TMEM135: variants seen among roughly 807,000 people sequenced by gnomAD.
TMEM135 encodes the protein transmembrane protein 135, also known as peroxisomal membrane protein 52.
Under a neutral mutation model 60.3 loss-of-function variants are expected in TMEM135, and 30 were observed. The ratio of observed to expected loss-of-function variants is 0.50; its 90% CI spans 0.37 to 0.68. TMEM135 has a LOEUF of 0.68. Ranked by LOEUF, TMEM135 falls within the 30% of genes least tolerant of loss-of-function variation. The pLI is 0.00. For missense variants in TMEM135, 468 were observed against 548.8 expected, an observed-to-expected ratio of 0.85 and a Z score of 1.47; for synonymous variants, 190 against 186.7, an observed-to-expected ratio of 1.02 and a Z score of -0.14.
intron 5 of TMEM135, among the ~76,000 whole-genome samples, chr11:87,235,819 C>G (rs998234036): frequency 2.6e-5 from 4 of 152,014 alleles, no homozygotes; most frequent in Middle Eastern, 3.4e-3. Flanking sequence ...AACATACCAT[C>G]TTAATATGTT....
chr11:87,289,884 T>C (rs1942235956), intron 6 of TMEM135, among the ~76,000 whole-genome samples: 1 of 152,204 alleles, frequency 6.6e-6, no homozygotes, highest in Non-Finnish European at 1.5e-5. Context: ...CATGCAGCGT[T>C]TAACTTTTCT....
chr11:87,131,337 T>C (rs1251858098), intron 4 of TMEM135, among the ~76,000 whole-genome samples: 2 of 151,994 alleles, frequency 1.3e-5, no homozygotes, highest in Non-Finnish European at 2.9e-5. Context: ...TTCACTGCCC[T>C]GAAAATCCCT....
intron 3 of TMEM135, among the ~76,000 whole-genome samples, chr11:87,086,525 G>A (rs988276590): frequency 2.0e-5 from 3 of 152,144 alleles, no homozygotes; most frequent in Admixed American, 6.5e-5. Flanking sequence ...GAGAGGAGAC[G>A]TGGGGGTGGT....
intron 5 of TMEM135, among the ~76,000 whole-genome samples, chr11:87,199,161 A>T (rs1026121224): frequency 2.6e-5 from 4 of 152,148 alleles, no homozygotes; most frequent in Admixed American, 6.5e-5. Context: ...GGAGTTCCAG[A>T]CCAGCCTGGC....
chr11:87,227,912 A>G (rs1940799600), intron 5 of TMEM135, among the ~76,000 whole-genome samples: 1 of 152,194 alleles, frequency 6.6e-6, no homozygotes, highest in Admixed American at 6.5e-5. Context: ...TTTAAATAGA[A>G]ACTAACATTA....
At chr11:87,114,553 A>G (rs1462903072) in intron 4 of TMEM135, among the ~76,000 whole-genome samples, 4 of 152,230 alleles carry the variant, frequency 2.6e-5, no homozygotes, top group African/African-American at 9.6e-5. Context: ...ACATACTTGT[A>G]GAGCAGTACA....
intron 6 of TMEM135, among the ~76,000 whole-genome samples, chr11:87,248,207 G>T (rs879874790): frequency 1.3e-5 from 2 of 152,078 alleles, no homozygotes; most frequent in Non-Finnish European, 2.9e-5. Flanking sequence ...TTTCTTTTGG[G>T]AGTACACCTA....
intron 1 of TMEM135, among the ~76,000 whole-genome samples, chr11:87,057,374 C>T (rs1449029928): frequency 1.3e-5 from 2 of 152,096 alleles, no homozygotes; most frequent in Admixed American, 6.5e-5. Context: ...TTGCTTGTAT[C>T]TTCCCACATA....
Position 87,321,335 on chromosome 11 carries a change from G to T in TMEM135, c.*2G>T. The T allele has an allele frequency of 6.2e-7, 1 of 1,613,476 alleles. No homozygotes were observed. The highest frequency in any genetic ancestry group is 1.7e-4 in the Middle Eastern group (1 of 6,058). On this transcript the variant is annotated 3_prime_UTR_variant, in exon 15 of 15. Coordinates refer to ENST00000305494, the MANE Select transcript of TMEM135 (RefSeq NM_022918.4). ...GAGTTGCCCACAGAGTTTTCCTGAAGATGACTGTAACTTATTAATGTGACT... is the reference window on the plus strand; with the variant it reads ...GAGTTGCCCACAGAGTTTTCCTGAATATGACTGTAACTTATTAATGTGACT...
At chr11:87,318,030 G>A (rs1388386174) in intron 12 of TMEM135, 107 bp from the exon 13 acceptor site, 3 of 820,782 alleles carry the variant, frequency 3.7e-6, no homozygotes, top group Non-Finnish European at 6.3e-6. Flanking sequence ...AGCTCTGAAG[G>A]GAGTATTAGG....
At chr11:87,279,603 C>T (rs1942024667) in intron 6 of TMEM135, among the ~76,000 whole-genome samples, 1 of 152,222 alleles carries the variant, frequency 6.6e-6, no homozygotes, top group Non-Finnish European at 1.5e-5. Flanking sequence ...TTTAACTCTA[C>T]TGCCTCAGTG....
intron 6 of TMEM135, among the ~76,000 whole-genome samples, chr11:87,246,113 G>C (rs10160647): frequency 0.59 from 61,943 of 105,660 alleles, 19,600 homozygotes; most frequent in Non-Finnish European, 0.66. Flanking sequence ...ACTTATGAAG[G>C]TTAGTTTGGC....
At chr11:87,104,763 G>T (rs764224904) in intron 4 of TMEM135, among the ~76,000 whole-genome samples, 3 of 151,948 alleles carry the variant, frequency 2.0e-5, no homozygotes, top group Non-Finnish European at 4.4e-5. Flanking sequence ...TTTGTATGTT[G>T]ACACTGTGTC....
chr11:87,265,364 A>G (rs901622714), intron 6 of TMEM135, among the ~76,000 whole-genome samples: 1 of 152,022 alleles, frequency 6.6e-6, no homozygotes, highest in Non-Finnish European at 1.5e-5. Flanking sequence ...CCTGTCATCC[A>G]TGAAGAATAC....
intron 1 of TMEM135, among the ~76,000 whole-genome samples, chr11:87,045,117 C>T (rs181138583): frequency 1.3e-5 from 2 of 152,140 alleles, no homozygotes; most frequent in Admixed American, 1.3e-4. Context: ...GCAAGCTGCG[C>T]CTCCCGGGTT....
intron 5 of TMEM135, among the ~76,000 whole-genome samples, chr11:87,210,470 A>C (rs953218547): frequency 7.2e-5 from 11 of 152,204 alleles, no homozygotes; most frequent in African/African-American, 2.7e-4. Context: ...CCAAGAAGAA[A>C]TTAAAATCCT....
At chr11:87,264,544 G>A (rs1381746904) in intron 6 of TMEM135, among the ~76,000 whole-genome samples, 2 of 151,662 alleles carry the variant, frequency 1.3e-5, no homozygotes, top group East Asian at 3.8e-4. Flanking sequence ...GTTTATAATC[G>A]CTCCTGATCT....
intron 4 of TMEM135, among the ~76,000 whole-genome samples, chr11:87,094,018 A>G (rs1274875091): frequency 6.6e-6 from 1 of 152,152 alleles, no homozygotes; most frequent in Non-Finnish European, 1.5e-5. Context: ...ATTGGTTATA[A>G]ACTCCATTCA....
chr11:87,211,089 A>T (rs779583056), intron 5 of TMEM135, among the ~76,000 whole-genome samples: 2 of 152,216 alleles, frequency 1.3e-5, no homozygotes, highest in Non-Finnish European at 2.9e-5. Flanking sequence ...CTGGAGCAAG[A>T]TAGGGATACC....
Sources: gnomAD v4.1 joint callset for allele counts (sites outside exome capture counted in the v4.1 genomes callset) on GRCh38, gnomAD v4.1.1 for gene constraint, MANE v1.5 for transcripts, NCBI Gene and HGNC (gene_info 2026-07-23, HGNC 2026-07-21) for gene names.